The following INPP4B variants were observed in gnomAD, a reference collection of about 807,000 sequenced individuals.
INPP4B encodes inositol polyphosphate 4-phosphatase type II.
A neutral mutation model predicts 122.5 loss-of-function variants in INPP4B; 55 were observed. That is an observed-to-expected ratio of 0.45 (90% CI 0.36 to 0.56). INPP4B has a LOEUF of 0.56. Ranked by LOEUF, INPP4B falls within the 20% of genes least tolerant of loss-of-function variation. The pLI is 0.00. For missense variants in INPP4B, 1,000 were observed against 1,097.7 expected (o/e 0.91, Z 1.26); for synonymous variants, 403 against 388.7 (o/e 1.04, Z -0.43).
chr4:142,493,794 T>C (rs1822178586), intron 2 of INPP4B, among the ~76,000 whole-genome samples: 1 of 152,108 alleles, frequency 6.6e-6, no homozygotes, highest in African/African-American at 2.4e-5. Flanking sequence ...GAGCTAAGAC[T>C]TTGGGGGACT....
intron 25 of INPP4B, among the ~76,000 whole-genome samples, chr4:142,070,440 CCT>C (rs1561012510): frequency 6.6e-6 from 1 of 152,096 alleles, no homozygotes; most frequent in Admixed American, 6.5e-5. Flanking sequence ...ACAGGGATGC[CCT>C]CTTTCACCAT....
At chr4:142,816,005 C>T (rs572161728) in intron 1 of INPP4B, among the ~76,000 whole-genome samples, 18 of 152,042 alleles carry the variant, frequency 1.2e-4, no homozygotes, top group Admixed American at 5.9e-4. Flanking sequence ...ATTGTGAAGT[C>T]GTAATGCAAA....
At chr4:142,453,156 A>T (rs900014932) in intron 3 of INPP4B, among the ~76,000 whole-genome samples, 9 of 152,126 alleles carry the variant, frequency 5.9e-5, no homozygotes, top group South Asian at 2.1e-4. Context: ...TTGGCTGGAG[A>T]TTCTTTTTTC....
At chr4:142,498,130 CAT>C (rs1011457908) in intron 2 of INPP4B, among the ~76,000 whole-genome samples, 29 of 149,590 alleles carry the variant, frequency 1.9e-4, no homozygotes, top group South Asian at 4.2e-4. Context: ...TACACACACA[CAT>C]ATATGTATAC....
chr4:142,248,429 C>G (rs1038964410), intron 11 of INPP4B, among the ~76,000 whole-genome samples: 2 of 151,110 alleles, frequency 1.3e-5, no homozygotes, highest in Admixed American at 1.3e-4. Context: ...CCTCCGCCTC[C>G]CGGGTTCAAG....
intron 9 of INPP4B, among the ~76,000 whole-genome samples, chr4:142,283,500 T>C (rs932072919): frequency 3.9e-5 from 6 of 152,138 alleles, no homozygotes; most frequent in African/African-American, 1.4e-4. Context: ...TGTGTGAATG[T>C]CATAGAGTGT....
At chr4:142,621,771 ATAT>A (rs199674626) in intron 2 of INPP4B, among the ~76,000 whole-genome samples, 3,507 of 151,502 alleles carry the variant, frequency 0.023, 47 homozygotes, top group Middle Eastern at 0.08. Flanking sequence ...CCTTATAAAA[ATAT>A]TATGTATAAA....
At chr4:142,082,274 T>G in intron 24 of INPP4B, 89 bp from the exon 25 acceptor site, 1 of 1,092,880 alleles carries the variant, frequency 9.2e-7, no homozygotes, top group East Asian at 2.6e-5. Flanking sequence ...TCTAAACACA[T>G]CAAATATAAA....
intron 2 of INPP4B, 46 bp from the exon 3 acceptor site, chr4:142,462,772 G>A (rs549050510): frequency 6.6e-6 from 1 of 152,262 alleles, no homozygotes; most frequent in Non-Finnish European, 1.5e-5. Context: ...GTGTTTACTG[G>A]AAATTTTCTT....
chr4:142,254,569 T>G (rs958437403), intron 11 of INPP4B, among the ~76,000 whole-genome samples: 6 of 152,022 alleles, frequency 3.9e-5, no homozygotes, highest in African/African-American at 1.4e-4. Context: ...AGAAGCCTCA[T>G]GAGCCGAGGA....
intron 2 of INPP4B, among the ~76,000 whole-genome samples, chr4:142,612,956 C>G (rs1024994705): frequency 3.9e-5 from 6 of 152,076 alleles, no homozygotes; most frequent in Non-Finnish European, 1.5e-5. Context: ...AGTTTTGGCC[C>G]CTATATGCAA....
At chr4:142,748,232 A>T (rs902895765) in intron 1 of INPP4B, among the ~76,000 whole-genome samples, 7 of 152,146 alleles carry the variant, frequency 4.6e-5, no homozygotes, top group Non-Finnish European at 1.0e-4. Flanking sequence ...CAACAGAGTA[A>T]TAGAGGACAC....
intron 2 of INPP4B, among the ~76,000 whole-genome samples, chr4:142,600,959 A>G (rs1163971426): frequency 7.2e-5 from 11 of 152,156 alleles, no homozygotes; most frequent in Non-Finnish European, 1.0e-4. Flanking sequence ...AGGGCATTAT[A>G]TAATAATAAA....
At chr4:142,282,880 T>A (rs866422353) in intron 9 of INPP4B, among the ~76,000 whole-genome samples, 2 of 152,200 alleles carry the variant, frequency 1.3e-5, no homozygotes, top group South Asian at 4.1e-4. Flanking sequence ...TTGGGGAACA[T>A]CTTAGCATTC....
chr4:142,113,456 T>C (rs955525606), intron 21 of INPP4B, among the ~76,000 whole-genome samples: 4 of 152,014 alleles, frequency 2.6e-5, no homozygotes, highest in African/African-American at 9.7e-5. Context: ...TTGTAAGATA[T>C]GCACTGGGGA....
chr4:142,061,881 CACACATATATATATATAT>C (rs1279355702), intron 25 of INPP4B, among the ~76,000 whole-genome samples: 7 of 8,090 alleles, frequency 8.7e-4, no homozygotes, highest in Admixed American at 1.7e-3. Context: ...CACACACACA[CACACATATATATATATAT>C]ATATATATAT....
intron 2 of INPP4B, among the ~76,000 whole-genome samples, chr4:142,599,742 C>T (rs559510202): frequency 2.3e-3 from 345 of 151,812 alleles, no homozygotes; most frequent in African/African-American, 7.7e-3. Context: ...AAAAAAATCT[C>T]AGTAAGATAA....
At chr4:142,206,504 G>GTA (rs943294225) in intron 14 of INPP4B, among the ~76,000 whole-genome samples, 10 of 151,600 alleles carry the variant, frequency 6.6e-5, no homozygotes, top group South Asian at 4.2e-4. Context: ...TCAGCTGGTG[G>GTA]TATATATATA....
At chr4:142,055,782 T>C (rs1295549354) in intron 25 of INPP4B, among the ~76,000 whole-genome samples, 3 of 152,118 alleles carry the variant, frequency 2.0e-5, no homozygotes, top group South Asian at 2.1e-4. Flanking sequence ...CACCAGGAAC[T>C]GGTTTCATGG....
Sources: gnomAD v4.1 joint callset for allele counts (sites outside exome capture counted in the v4.1 genomes callset) on GRCh38, gnomAD v4.1.1 for gene constraint, MANE v1.5 for transcripts, NCBI Gene and HGNC (gene_info 2026-07-23, HGNC 2026-07-21) for gene names.